Variants in ZNF391 observed in about 807,000 individuals in gnomAD.
ZNF391 encodes the protein zinc finger protein 391.
For synonymous variants in ZNF391, 126 were observed against 142.1 expected (o/e 0.89, Z 0.80); for missense variants, 375 against 425.5 (o/e 0.88, Z 1.04).
chr6:27,374,780 G>T lies in ZNF391; in HGVS notation n.166G>T, dbSNP rs963937223. 1.3e-5 allele frequency: 2 copies of T among 152,262 alleles called. No homozygotes were observed. The highest frequency in any genetic ancestry group is 2.9e-5 in the Non-Finnish European group (2 of 68,068). 9.4% of individuals were successfully genotyped at this position (152,262 alleles called of 1,614,324 possible). On this transcript the variant is annotated non_coding_transcript_exon_variant, in exon 1 of 3. Coordinates refer to the ZNF391 transcript ENST00000477999. This position sits in a 1 kb window ranked among gnomAD's most constrained non-coding sequence, Gnocchi z 5.3. ...GCCCGGAATTTTATGACCAGCGCCC[G>T]CTGGCCGTCGTCACCCTCTAATTTC...
At chr6:27,375,597 G>A (rs1395171326) in intron 1 of ZNF391, among the ~76,000 whole-genome samples, 1 of 152,142 alleles carries the variant, frequency 6.6e-6, no homozygotes, top group Non-Finnish European at 1.5e-5. Context: ...AGCACACACT[G>A]TATGTCAGGC....
chr6:27,379,765 C>T (rs116300611), intron 1 of ZNF391, among the ~76,000 whole-genome samples: 4,384 of 152,252 alleles, frequency 0.029, 70 homozygotes, highest in Non-Finnish European at 0.032. Flanking sequence ...AAGGTCAGCC[C>T]TCAAAAACAA....
At chr6:27,381,771 A>T (rs1317523660) in intron 1 of ZNF391, among the ~76,000 whole-genome samples, 1 of 152,212 alleles carries the variant, frequency 6.6e-6, no homozygotes, top group East Asian at 1.9e-4. Context: ...GGTGGCTCAC[A>T]CCTGTAGTCC....
rs541014231 is a variant in ZNF391 at position 27,402,760 on chromosome 6, T to A, written c.*1313T>A. 3 of 152,230 alleles carry A rather than the reference T, an allele frequency of 2.0e-5. No homozygotes were observed. The highest frequency in any genetic ancestry group is 4.8e-5 in the African/African-American group (2 of 41,536). The allele number at this position is 152,230 out of a possible 1,614,324, so 9.4% of individuals were successfully genotyped here. ...AGTGTGTACCACCACACCCACAATT[T>A]TAAAGTTTTTTTGTGGAGACAGGAT... On this transcript the variant is annotated 3_prime_UTR_variant, in exon 3 of 3. Coordinates refer to ENST00000244576, the MANE Select transcript of ZNF391 (RefSeq NM_001076781.3).
chr6:27,376,661 G>C lies in ZNF391; in HGVS notation n.523+1524G>C, dbSNP rs1761422832. ...ATAAGGTATAACCTTATCAAGACCAGCCTGGCCAACATGGTGAAACCCCAT... is the reference window on the plus strand; with the variant it reads ...ATAAGGTATAACCTTATCAAGACCACCCTGGCCAACATGGTGAAACCCCAT... On this transcript the variant is annotated intron_variant and non_coding_transcript_variant, in intron 1 of 2. Transcript: ENST00000477999. This position sits in a 1 kb window ranked among gnomAD's most constrained non-coding sequence, Gnocchi z 4.7. Among the ~76,000 whole-genome samples the C allele has an allele frequency of 6.6e-6, 1 of 151,944 alleles. No individual in the cohort carries two copies. Among genetic ancestry groups the C allele is most frequent in the African/African-American group, 2.4e-5 (1 of 41,358 alleles).
At position 27,402,742 on chromosome 6, in the gene ZNF391, A is replaced by G. The variant is rs1338074308; in HGVS notation, c.*1295A>G. 1 of 152,152 alleles carries G rather than the reference A, an allele frequency of 6.6e-6. No individual in the cohort carries two copies. The highest frequency in any genetic ancestry group is 1.5e-5 in the Non-Finnish European group (1 of 68,064). 9.4% of individuals were successfully genotyped at this position (152,152 alleles called of 1,614,324 possible). On this transcript the variant is annotated 3_prime_UTR_variant, in exon 3 of 3. Coordinates refer to ENST00000244576, the MANE Select transcript of ZNF391 (RefSeq NM_001076781.3). Reference sequence around the variant, plus strand: ...TGAGTAGCTAGGGCTGCAAGTGTGTACCACCACACCCACAATTTTAAAGTT... The same window carrying G: ...TGAGTAGCTAGGGCTGCAAGTGTGTGCCACCACACCCACAATTTTAAAGTT...
Position 27,401,222 on chromosome 6 carries a change from A to G in ZNF391, c.852A>G (p.Lys284=). ...CCTATGAGTGCAGTGAATGTGGGAA[A>G]GTGTTCAGTCGAAGCTCGTCTCTTA... ...ENPYECSECG[K]VFSRSSSLTE... The change falls in exon 3 of 3, where the codon AAA becomes AAG. Residue 284 remains lysine (K), a synonymous_variant. Coordinates refer to ENST00000244576, the MANE Select transcript of ZNF391 (RefSeq NM_001076781.3). 1.2e-6 allele frequency: 2 copies of G among 1,614,204 alleles called. No individual in the cohort carries two copies. The highest frequency in any genetic ancestry group is 1.7e-6 in the Non-Finnish European group (2 of 1,180,022).
intron 1 of ZNF391, chr6:27,394,898 G>A (rs765610520): frequency 6.6e-6 from 1 of 152,330 alleles, no homozygotes; most frequent in South Asian, 2.1e-4. Flanking sequence ...TGCATTTCAA[G>A]CTTGAATGGA....
intron 1 of ZNF391, among the ~76,000 whole-genome samples, chr6:27,394,611 A>G (rs1226941044): frequency 1.3e-5 from 2 of 152,234 alleles, no homozygotes; most frequent in African/African-American, 4.8e-5. Context: ...TGGAGGCCCC[A>G]CACAGGGTCC....
chr6:27,400,748 A>G lies in ZNF391; in HGVS notation c.378A>G (p.Val126=), dbSNP rs777054295. 1.2e-6 allele frequency: 2 copies of G among 1,614,212 alleles called. No homozygotes were observed. The highest frequency in any genetic ancestry group is 1.7e-6 in the Non-Finnish European group (2 of 1,180,032). The change falls in exon 3 of 3, where the codon GTA becomes GTG. Residue 126 remains valine, a synonymous_variant. Coordinates refer to ENST00000244576, the MANE Select transcript of ZNF391 (RefSeq NM_001076781.3). The part of the protein sequence containing the change: ...KAFSYQSDLL[V]HSRIHGGEKP... ...TTAGTTACCAATCAGACCTTCTTGT[A>G]CACAGTAGAATTCATGGTGGAGAAA...
rs758006154 is a variant in ZNF391, at chr6:27,400,335, A to G, written c.-36A>G. On this transcript the variant is annotated 5_prime_UTR_variant, in exon 3 of 3. Coordinates refer to ENST00000244576, the MANE Select transcript of ZNF391 (RefSeq NM_001076781.3). ...GAACCAAAGCATCAACACCAATCAG[A>G]CTGTTTCCGAAGAACTAGAGTTTTC... 1.3e-6 allele frequency: 2 copies of G among 1,519,854 alleles called. No individual in the cohort carries two copies. Among genetic ancestry groups the G allele is most frequent in the Non-Finnish European group, 1.8e-6 (2 of 1,123,796 alleles). 94.1% of individuals were successfully genotyped at this position (1,519,854 alleles called of 1,614,324 possible).
intron 1 of ZNF391, among the ~76,000 whole-genome samples, chr6:27,391,345 A>G (rs1438958592): frequency 6.6e-6 from 1 of 151,570 alleles, no homozygotes; most frequent in Non-Finnish European, 1.5e-5. Flanking sequence ...AGCTGGGATT[A>G]CAGGTGCCCA....
rs188327914 is a variant in ZNF391 at position 27,399,094 on chromosome 6, T to G, written c.-187-348T>G. Among the ~76,000 whole-genome samples the G allele has an allele frequency of 7.2e-5, 11 of 152,344 alleles. No individual in the cohort carries two copies. In the East Asian group the frequency reaches 2.1e-3, roughly 29 times the overall value. On this transcript the variant is annotated intron_variant, in intron 1 of 2. Coordinates refer to ENST00000244576, the MANE Select transcript of ZNF391 (RefSeq NM_001076781.3). ...TAGACTGTATTTCTAAGGCTCTTTC[T>G]GGACATTCAACTTGTCAAGTCACAT...
rs1171622561 is a variant in ZNF391 at position 27,374,848 on chromosome 6, G to A, written n.234G>A. ...ACCCTTCTTAATGTCAGTAGCCACA[G>A]TCGCCGCCGCTCCTGCGCCTAGAAG... is the stretch of plus-strand genomic sequence containing the variant. On this transcript the variant is annotated non_coding_transcript_exon_variant, in exon 1 of 3. Transcript: ENST00000477999. This position sits in a 1 kb window ranked among gnomAD's most constrained non-coding sequence, Gnocchi z 5.3. 6.6e-6 allele frequency: 1 copy of A among 152,244 alleles called. No individual in the cohort carries two copies. The highest frequency in any genetic ancestry group is 1.5e-5 in the Non-Finnish European group (1 of 68,088). 9.4% of individuals were successfully genotyped at this position (152,244 alleles called of 1,614,324 possible).
chr6:27,400,463 T>C lies in ZNF391; in HGVS notation c.93T>C (p.Pro31=). ...AATTATCAAGGCAAACAAAATGTCC[T>C]GCACAGAAGAAATCCTCTTTTGAGA... ...EGQLSRQTKC[P]AQKKSSFENT... The change falls in exon 3 of 3, where the codon CCT becomes CCC. Residue 31 remains proline (P), a synonymous_variant. Coordinates refer to ENST00000244576, the MANE Select transcript of ZNF391 (RefSeq NM_001076781.3). 1.2e-6 allele frequency: 2 copies of C among 1,614,178 alleles called. No homozygotes were observed. The highest frequency in any genetic ancestry group is 1.7e-6 in the Non-Finnish European group (2 of 1,180,034).
Position 27,400,970 on chromosome 6 carries a change from AG to A in ZNF391, c.601del (p.Ala201ProfsTer36). The A allele has an allele frequency of 6.2e-7, 1 of 1,614,230 alleles. No individual in the cohort carries two copies. Among genetic ancestry groups the A allele is most frequent in the Non-Finnish European group, 8.5e-7 (1 of 1,180,032 alleles). ...KPYECSECGKAFSRSTNLSQH... is the reference protein window; with the variant it reads ...KPYECSECGKXFSRSTNLSQH... ...CATATGAATGTAGTGAATGTGGAAAAGCCTTTAGCCGAAGCACTAACCTTAG... is the reference window on the plus strand; with the variant it reads ...CATATGAATGTAGTGAATGTGGAAAACCTTTAGCCGAAGCACTAACCTTAG... On this transcript the variant is annotated frameshift_variant, in exon 3 of 3. Coordinates refer to ENST00000244576, the MANE Select transcript of ZNF391 (RefSeq NM_001076781.3). LOFTEE classifies it low-confidence loss of function (END_TRUNC).
Position 27,402,152 on chromosome 6 carries a change from C to G in ZNF391, c.*705C>G, listed in dbSNP as rs914131715. ...TAGTGTTATTTTATCATATTTTTAC[C>G]AAGAATGTTCTAAAAATCTTGGAGA... On this transcript the variant is annotated 3_prime_UTR_variant, in exon 3 of 3. Coordinates refer to ENST00000244576, the MANE Select transcript of ZNF391 (RefSeq NM_001076781.3). 1 of 151,950 alleles carries G rather than the reference C, an allele frequency of 6.6e-6. No homozygotes were observed. The highest frequency in any genetic ancestry group is 1.5e-5 in the Non-Finnish European group (1 of 67,972). 9.4% of individuals were successfully genotyped at this position (151,950 alleles called of 1,614,324 possible). A position where few individuals can be genotyped will look rare whatever the true frequency, so the allele number is the denominator to read the frequency against.
chr6:27,376,214 A>T lies in ZNF391; in HGVS notation n.523+1077A>T, dbSNP rs1311882139. On this transcript the variant is annotated intron_variant and non_coding_transcript_variant, in intron 1 of 2. Coordinates refer to the ZNF391 transcript ENST00000477999. The surrounding 1 kb of genome is among the most constrained non-coding windows in gnomAD (Gnocchi z 4.7). ...AAAAAAAGATAATATTGTTTGCTGA[A>T]ATCATAAGATTGTCAAGAATTTTGC... Among the ~76,000 whole-genome samples the T allele has an allele frequency of 6.6e-6, 1 of 152,212 alleles. No homozygotes were observed.
chr6:27,377,968 T>C (rs79330911), intron 1 of ZNF391, among the ~76,000 whole-genome samples: 2,296 of 152,282 alleles, frequency 0.015, 34 homozygotes, highest in African/African-American at 0.039. Context: ...TTTACATATA[T>C]AGAGAAAAAT....
Sources: gnomAD v4.1 joint callset for allele counts (sites outside exome capture counted in the v4.1 genomes callset) on GRCh38, gnomAD v4.1.1 for gene constraint, Gnocchi (gnomAD v3.1) non-coding constraint, MANE v1.5 for transcripts, NCBI Gene and HGNC (gene_info 2026-07-23, HGNC 2026-07-21) for gene names.